Variants in NBAS observed in about 807,000 individuals in gnomAD.
The protein encoded by NBAS is NAG/BC035112 fusion.
In NBAS, 219 loss-of-function variants were observed where a neutral mutation model predicts 302.5. The observed-to-expected ratio is 0.72, with a 90% CI of 0.65 to 0.81. NBAS has a LOEUF of 0.81. NBAS is among the 30% of genes least tolerant of loss of function. The pLI is 0.00. For synonymous variants in NBAS, 1,118 were observed against 1,021.6 expected, an observed-to-expected ratio of 1.09 and a Z score of -1.80; for missense variants, 2,932 against 2,841.6, an observed-to-expected ratio of 1.03 and a Z score of -0.72.
At chr2:15,466,215 G>T (rs1430713542) in intron 19 of NBAS, among the ~76,000 whole-genome samples, 1 of 152,110 alleles carries the variant, frequency 6.6e-6, no homozygotes, top group East Asian at 1.9e-4. Context: ...ATGGTCAGAC[G>T]TTCTTGGGAC....
intron 48 of NBAS, among the ~76,000 whole-genome samples, chr2:15,212,752 C>T (rs933325971): frequency 6.6e-6 from 1 of 152,154 alleles, no homozygotes; most frequent in African/African-American, 2.4e-5. Context: ...AAGCCTCCTT[C>T]GCTTGGCTTT....
At chr2:15,232,029 A>G (rs964137164) in intron 47 of NBAS, among the ~76,000 whole-genome samples, 1 of 152,164 alleles carries the variant, frequency 6.6e-6, no homozygotes, top group Admixed American at 6.5e-5. Flanking sequence ...TAATTTATAC[A>G]AAGTTTTTTT....
At chr2:15,101,746 G>A in the NBAS span, among the ~76,000 whole-genome samples, 2 of 152,196 alleles carry the variant, frequency 1.3e-5, no homozygotes, top group Non-Finnish European at 2.9e-5. Context: ...GAAGAAAGGG[G>A]AAGATATTGT....
chr2:15,531,827 T>A (rs1017433542), intron 9 of NBAS, among the ~76,000 whole-genome samples: 2 of 152,206 alleles, frequency 1.3e-5, no homozygotes, highest in Admixed American at 6.5e-5. Flanking sequence ...TCTTTGCAAG[T>A]CACCTTCCTC....
chr2:15,434,448 A>G (rs1677913118), intron 21 of NBAS, among the ~76,000 whole-genome samples: 1 of 152,228 alleles, frequency 6.6e-6, no homozygotes, highest in Non-Finnish European at 1.5e-5. Context: ...TCACCAGGAA[A>G]GAAAGGAATC....
intron 11 of NBAS, among the ~76,000 whole-genome samples, chr2:15,502,528 G>C (rs1486997387): frequency 6.6e-6 from 1 of 152,226 alleles, no homozygotes; most frequent in East Asian, 1.9e-4. Flanking sequence ...AACCTGCTCA[G>C]CATGCTACTC....
intron 12 of NBAS, among the ~76,000 whole-genome samples, chr2:15,482,992 C>T (rs534459680): frequency 3.1e-4 from 47 of 152,146 alleles, no homozygotes; most frequent in Admixed American, 1.4e-3. Context: ...GCAGCCATAA[C>T]CCAAAGGAGG....
Position 15,237,077 on chromosome 2 carries a change from G to A in NBAS, c.5943+1391C>T, listed in dbSNP as rs1047848551. ...AGGTTTAAGAAAAATAAAAGAGGAG[G>A]TTAACGGCCACTTACAAGGTTCATT... On this transcript the variant is annotated intron_variant, in intron 45 of 51. Transcript: ENST00000281513. 3.3e-5 allele frequency among the ~76,000 whole-genome samples: 5 copies of A among 152,250 alleles called. No homozygotes were observed. In the East Asian group the frequency reaches 9.6e-4, roughly 29 times the overall value.
At chr2:15,365,975 T>A (rs1674178441) in intron 32 of NBAS, among the ~76,000 whole-genome samples, 1 of 152,230 alleles carries the variant, frequency 6.6e-6, no homozygotes. Flanking sequence ...AGCCAAAGCC[T>A]GCTATTTAAC....
At position 15,452,334 on chromosome 2, in the gene NBAS, G is replaced by A. The variant is rs566271416; in HGVS notation, c.2339+8867C>T. ...GGCCAGGATGGGCACGGTGGCTCAC[G>A]CCTGTAATCCCAGCACTTTGGGAGG... On this transcript the variant is annotated intron_variant, in intron 21 of 51. Coordinates refer to ENST00000281513, the MANE Select transcript of NBAS (RefSeq NM_015909.4). Among the ~76,000 whole-genome samples the A allele has an allele frequency of 3.9e-5, 6 of 152,246 alleles. No homozygotes were observed. In the South Asian group the frequency reaches 1.0e-3, roughly 26 times the overall value.
intron 16 of NBAS, among the ~76,000 whole-genome samples, chr2:15,470,923 T>G (rs764386661): frequency 3.4e-4 from 51 of 152,054 alleles, no homozygotes; most frequent in Non-Finnish European, 2.4e-4. Context: ...ATCGCACCAT[T>G]GCAATCCAGC....
At chr2:14,906,046 T>A in the NBAS span, among the ~76,000 whole-genome samples, 3 of 152,202 alleles carry the variant, frequency 2.0e-5, no homozygotes, top group South Asian at 2.1e-4. Flanking sequence ...TTATTCCCAC[T>A]CCGTAATTCA....
At chr2:15,185,040 C>T (rs926059803) in intron 50 of NBAS, among the ~76,000 whole-genome samples, 2 of 152,112 alleles carry the variant, frequency 1.3e-5, no homozygotes, top group Admixed American at 6.5e-5. Flanking sequence ...GTATGAGAGA[C>T]ATTCAATATT....
the NBAS span, among the ~76,000 whole-genome samples, chr2:14,857,507 C>A: frequency 1.3e-5 from 2 of 152,036 alleles, no homozygotes; most frequent in African/African-American, 2.4e-5. Context: ...ATAGACAACC[C>A]AGCGATAAAT....
At chr2:14,984,128 G>A in the NBAS span, among the ~76,000 whole-genome samples, 1 of 152,048 alleles carries the variant, frequency 6.6e-6, no homozygotes, top group African/African-American at 2.4e-5. Context: ...GTAAGAAAAT[G>A]GCTGACACCA....
the NBAS span, among the ~76,000 whole-genome samples, chr2:14,791,384 TC>T: frequency 6.6e-6 from 1 of 152,178 alleles, no homozygotes; most frequent in Non-Finnish European, 1.5e-5. Context: ...CACAACCATC[TC>T]CACCAATATC....
chr2:15,215,620 A>T lies in NBAS; in HGVS notation c.6432+3153T>A, dbSNP rs1180566022. Among the ~76,000 whole-genome samples the T allele has an allele frequency of 2.0e-5, 3 of 152,204 alleles. No homozygotes were observed. In the East Asian group the frequency reaches 5.8e-4, roughly 29 times the overall value. On this transcript the variant is annotated intron_variant, in intron 48 of 51. Coordinates refer to ENST00000281513, the MANE Select transcript of NBAS (RefSeq NM_015909.4). Reference sequence around the variant, plus strand: ...TGAAGAAGGGGATAGAGAGAAAATGAAAAAAACAAGAGCTCATACAGTCAA... The same window carrying T: ...TGAAGAAGGGGATAGAGAGAAAATGTAAAAAACAAGAGCTCATACAGTCAA...
the NBAS span, among the ~76,000 whole-genome samples, chr2:14,892,463 T>G: frequency 1.3e-5 from 2 of 152,306 alleles, no homozygotes; most frequent in African/African-American, 4.8e-5. Context: ...GTCCGACAAC[T>G]AATTTTCTGC....
chr2:15,293,636 T>C (rs1401132663), intron 40 of NBAS, among the ~76,000 whole-genome samples: 3 of 133,160 alleles, frequency 2.3e-5, no homozygotes, highest in African/African-American at 1.0e-4. Flanking sequence ...ACATATTTAA[T>C]ATAAGCAAAT....
Sources: gnomAD v4.1 joint callset for allele counts (sites outside exome capture counted in the v4.1 genomes callset) on GRCh38, gnomAD v4.1.1 for gene constraint, MANE v1.5 for transcripts, NCBI Gene and HGNC (gene_info 2026-07-23, HGNC 2026-07-21) for gene names.